The following RBM47 variants were observed in gnomAD, a reference collection of about 807,000 sequenced individuals.
RBM47 encodes the protein RNA-binding protein 47.
A neutral mutation model predicts 47.1 loss-of-function variants in RBM47; 21 were observed. That is an observed-to-expected ratio of 0.45 (90% CI 0.32 to 0.64). The LOEUF (loss-of-function observed/expected upper bound fraction) is 0.64, where lower values mean the gene tolerates loss of function less well. Among genes scored for constraint, RBM47 ranks in the 30% least tolerant of loss-of-function variants. RBM47 has a pLI of 0.05. For missense variants in RBM47, 708 were observed against 870.9 expected, an observed-to-expected ratio of 0.81 and a Z score of 2.35; for synonymous variants, 375 against 361.7, an observed-to-expected ratio of 1.04 and a Z score of -0.42.
At position 40,629,575 on chromosome 4, in the gene RBM47, G is replaced by C. The variant is rs1738041432; in HGVS notation, c.-419C>G. 1 of 152,196 alleles carries C rather than the reference G, an allele frequency of 6.6e-6. No individual in the cohort carries two copies. 9.4% of individuals were successfully genotyped at this position (152,196 alleles called of 1,614,324 possible). ...CCACCGCGCCGCTTAAAGCAACAGA[G>C]CGTTTTAGGCTTAACTCCCAGGCTC... On this transcript the variant is annotated 5_prime_UTR_variant, in exon 1 of 7. Coordinates refer to ENST00000295971, the MANE Select transcript of RBM47 (RefSeq NM_001098634.2).
intron 2 of RBM47, among the ~76,000 whole-genome samples, chr4:40,528,941 TC>T (rs1727049914): frequency 1.1e-5 from 1 of 91,210 alleles, no homozygotes; most frequent in South Asian, 3.1e-4. Context: ...AGACTCCGTC[TC>T]AAAAAAAAAA....
intron 2 of RBM47, 51 bp downstream of exon 2, chr4:40,544,371 C>G: frequency 6.6e-6 from 1 of 152,286 alleles, no homozygotes; most frequent in East Asian, 1.9e-4. Context: ...TTTTCTCCCC[C>G]GCCACCGGGT....
chr4:40,504,712 T>C (rs1389483389), intron 2 of RBM47, among the ~76,000 whole-genome samples: 13 of 152,244 alleles, frequency 8.5e-5, no homozygotes. Context: ...TAAGGCCTTG[T>C]TAATAGAAAT....
intron 2 of RBM47, among the ~76,000 whole-genome samples, chr4:40,489,553 CA>C (rs1156690334): frequency 6.6e-6 from 1 of 152,000 alleles, no homozygotes; most frequent in Non-Finnish European, 1.5e-5. Context: ...AATTATATGC[CA>C]GCAAATTAGA....
intron 1 of RBM47, among the ~76,000 whole-genome samples, chr4:40,595,320 C>A (rs182887803): frequency 6.6e-6 from 1 of 151,726 alleles, no homozygotes; most frequent in African/African-American, 2.4e-5. Context: ...CAAGGTGAAA[C>A]CCATCTCTAC....
At chr4:40,555,667 A>G (rs1019946971) in intron 1 of RBM47, among the ~76,000 whole-genome samples, 2 of 152,238 alleles carry the variant, frequency 1.3e-5, no homozygotes, top group Non-Finnish European at 2.9e-5. Context: ...TAGGACTGCA[A>G]TCAGGCAGCC....
At chr4:40,617,507 C>G (rs1301971496) in intron 1 of RBM47, among the ~76,000 whole-genome samples, 1 of 151,870 alleles carries the variant, frequency 6.6e-6, no homozygotes, top group Non-Finnish European at 1.5e-5. Context: ...TGCAGTGAGC[C>G]AAGATCGTGC....
chr4:40,443,717 CAAAAAAAAAAAAAAAAAAAAAAA>C (rs10581870), intron 3 of RBM47, among the ~76,000 whole-genome samples: 2 of 47,720 alleles, frequency 4.2e-5, no homozygotes, highest in East Asian at 4.3e-4. Context: ...AACTCCTTCT[CAAAAAAAAAAAAAAAAAAAAAAA>C]AAAAAAAAAA....
At chr4:40,511,016 G>T (rs1018019955) in intron 2 of RBM47, among the ~76,000 whole-genome samples, 1 of 152,160 alleles carries the variant, frequency 6.6e-6, no homozygotes, top group Non-Finnish European at 1.5e-5. Context: ...ATCTTGAGTT[G>T]CTAGACAACT....
At chr4:40,531,273 C>G (rs1727360803) in intron 2 of RBM47, among the ~76,000 whole-genome samples, 2 of 151,788 alleles carry the variant, frequency 1.3e-5, no homozygotes, top group African/African-American at 4.8e-5. Context: ...TCAGGGTGGT[C>G]TGGCCACAGA....
At chr4:40,465,115 G>T (rs574684574) in intron 3 of RBM47, among the ~76,000 whole-genome samples, 1 of 152,014 alleles carries the variant, frequency 6.6e-6, no homozygotes, top group Admixed American at 6.6e-5. Flanking sequence ...TGAATTCAAT[G>T]GACTAAATCC....
intron 2 of RBM47, among the ~76,000 whole-genome samples, chr4:40,522,873 A>G (rs1726330382): frequency 6.6e-6 from 1 of 152,198 alleles, no homozygotes; most frequent in African/African-American, 2.4e-5. Context: ...AAGGAAATTA[A>G]TATTTTTCTT....
chr4:40,433,990 G>A (rs2154210718), intron 5 of RBM47, among the ~76,000 whole-genome samples: 1 of 80,674 alleles, frequency 1.2e-5, no homozygotes, highest in East Asian at 4.6e-4. Context: ...GAGTGTGTGT[G>A]TGTGGGGCGG....
chr4:40,619,123 C>T (rs79939777), intron 1 of RBM47, among the ~76,000 whole-genome samples: 2,331 of 152,166 alleles, frequency 0.015, 33 homozygotes, highest in Non-Finnish European at 0.026. Flanking sequence ...CCACCAACAC[C>T]AACACCCCCA....
chr4:40,541,417 G>T (rs914733030), intron 2 of RBM47, among the ~76,000 whole-genome samples: 1 of 152,084 alleles, frequency 6.6e-6, no homozygotes, highest in African/African-American at 2.4e-5. Flanking sequence ...GCCAAAGGGC[G>T]CCAGCTCAGC....
At chr4:40,541,663 GGGAGGC>G (rs1396916991) in intron 2 of RBM47, among the ~76,000 whole-genome samples, 3 of 152,128 alleles carry the variant, frequency 2.0e-5, no homozygotes, top group African/African-American at 7.2e-5. Flanking sequence ...GTTTGAACCC[GGGAGGC>G]GGAGGTTGCA....
At chr4:40,503,545 G>A (rs1723684596) in intron 2 of RBM47, among the ~76,000 whole-genome samples, 1 of 152,204 alleles carries the variant, frequency 6.6e-6, no homozygotes, top group African/African-American at 2.4e-5. Flanking sequence ...GACAGTGACT[G>A]TGGTTACCCC....
chr4:40,629,093 A>C (rs2154282953), intron 1 of RBM47, among the ~76,000 whole-genome samples: 1 of 152,066 alleles, frequency 6.6e-6, no homozygotes, highest in South Asian at 2.1e-4. Context: ...CGGTCCAATC[A>C]TGTATTTTCA....
At chr4:40,588,254 T>TG (rs1560489510) in intron 1 of RBM47, among the ~76,000 whole-genome samples, 2 of 152,194 alleles carry the variant, frequency 1.3e-5, no homozygotes, top group East Asian at 1.9e-4. Context: ...CAGCAGGCTT[T>TG]GGGGGGAACA....
Sources: gnomAD v4.1 joint callset for allele counts (sites outside exome capture counted in the v4.1 genomes callset) on GRCh38, gnomAD v4.1.1 for gene constraint, MANE v1.5 for transcripts, NCBI Gene and HGNC (gene_info 2026-07-23, HGNC 2026-07-21) for gene names.